CCDC7: variants seen among roughly 807,000 people sequenced by gnomAD.
CCDC7 encodes the protein coiled-coil domain containing 7.
Under a neutral mutation model 196.9 loss-of-function variants are expected in CCDC7, and 183 were observed. That is an observed-to-expected ratio of 0.93 (90% CI 0.82 to 1.05). CCDC7 has a LOEUF of 1.05. Among genes scored for constraint, CCDC7 ranks in the 50% least tolerant of loss-of-function variants. CCDC7 has a pLI of 0.00. For missense variants in CCDC7, 1,540 were observed against 1,482.2 expected, an observed-to-expected ratio of 1.04 and a Z score of -0.64; for synonymous variants, 525 against 484.6, an observed-to-expected ratio of 1.08 and a Z score of -1.10.
intron 25 of CCDC7, among the ~76,000 whole-genome samples, chr10:32,721,370 T>C (rs763438006): frequency 3.3e-5 from 5 of 152,120 alleles, no homozygotes; most frequent in African/African-American, 7.2e-5. Flanking sequence ...TAGGCTCTAA[T>C]TGGTGCACAA....
At chr10:32,674,320 T>A (rs1025277775) in intron 21 of CCDC7, among the ~76,000 whole-genome samples, 5 of 152,048 alleles carry the variant, frequency 3.3e-5, no homozygotes, top group Non-Finnish European at 7.4e-5. Flanking sequence ...GTTTCTAATT[T>A]CCCTTTTGAT....
intron 28 of CCDC7, among the ~76,000 whole-genome samples, chr10:32,758,662 A>G (rs2076900731): frequency 6.6e-6 from 1 of 152,160 alleles, no homozygotes; most frequent in Admixed American, 6.6e-5. Flanking sequence ...CAAAAACTGG[A>G]AGCATTCCCT....
At chr10:32,801,769 G>A (rs779329030) in intron 29 of CCDC7, among the ~76,000 whole-genome samples, 1 of 152,158 alleles carries the variant, frequency 6.6e-6, no homozygotes, top group Non-Finnish European at 1.5e-5. Context: ...GTTACCTCAG[G>A]CAGTGCAGGG....
chr10:32,876,547 A>G (rs2094601286), downstream of CCDC7: 1 of 676,034 alleles, frequency 1.5e-6, no homozygotes, highest in Middle Eastern at 2.6e-4. Flanking sequence ...TCAACAGGGT[A>G]GGCCCAGATC....
intron 13 of CCDC7, among the ~76,000 whole-genome samples, chr10:32,552,604 T>G (rs542225597): frequency 6.6e-6 from 1 of 152,312 alleles, no homozygotes; most frequent in East Asian, 1.9e-4. Flanking sequence ...GTTCTTGTAG[T>G]GGTGGCTTGG....
chr10:32,722,132 T>C lies in CCDC7; in HGVS notation c.2570-4602T>C, dbSNP rs186573014. Reference sequence around the variant, plus strand: ...TTTTCTCCCCTAGTTCATGGATTTTTTTTGGTAGACAATAGCATTAGGTAC... The same window carrying C: ...TTTTCTCCCCTAGTTCATGGATTTTCTTTGGTAGACAATAGCATTAGGTAC... On this transcript the variant is annotated intron_variant, in intron 25 of 41. Coordinates refer to ENST00000639629, the Ensembl canonical transcript of CCDC7. 1.8e-3 allele frequency among the ~76,000 whole-genome samples: 276 copies of C among 152,246 alleles called. 2 individuals carry two copies. Among genetic ancestry groups the C allele is most frequent in the African/African-American group, 6.3e-3 (260 of 41,550 alleles).
intron 18 of CCDC7, among the ~76,000 whole-genome samples, chr10:32,606,820 G>C (rs2061603365): frequency 6.6e-6 from 1 of 152,184 alleles, no homozygotes; most frequent in Non-Finnish European, 1.5e-5. Flanking sequence ...TCTCAGATGA[G>C]AGTTTGGACT....
intron 21 of CCDC7, among the ~76,000 whole-genome samples, chr10:32,675,487 T>C (rs1479473182): frequency 2.0e-5 from 3 of 152,204 alleles, no homozygotes; most frequent in African/African-American, 4.8e-5. Flanking sequence ...ATTTTTGTGA[T>C]TATAGTTATC....
chr10:32,590,322 T>C (rs1220859094), intron 18 of CCDC7, among the ~76,000 whole-genome samples: 1 of 151,472 alleles, frequency 6.6e-6, no homozygotes, highest in Non-Finnish European at 1.5e-5. Flanking sequence ...ATTGCACAAA[T>C]AACAACAACA....
At chr10:32,477,233 G>A (rs2134035456) in intron 8 of CCDC7, among the ~76,000 whole-genome samples, 1 of 147,176 alleles carries the variant, frequency 6.8e-6, no homozygotes, top group South Asian at 2.2e-4. Context: ...TTTTTGAGAT[G>A]GAGTCTCGCT....
At chr10:32,587,248 A>G (rs575838564) in intron 18 of CCDC7, among the ~76,000 whole-genome samples, 2 of 152,308 alleles carry the variant, frequency 1.3e-5, no homozygotes, top group African/African-American at 4.8e-5. Flanking sequence ...TTGCTGTAAC[A>G]GAATACCACA....
At chr10:32,791,115 C>T (rs1329292942) in intron 29 of CCDC7, among the ~76,000 whole-genome samples, 1 of 152,176 alleles carries the variant, frequency 6.6e-6, no homozygotes, top group Non-Finnish European at 1.5e-5. Context: ...CTGAGGCACC[C>T]ACAGTCATCA....
At chr10:32,779,312 ACCTACT>A (rs763095736) in intron 29 of CCDC7, among the ~76,000 whole-genome samples, 10 of 152,134 alleles carry the variant, frequency 6.6e-5, no homozygotes, top group Admixed American at 4.6e-4. Flanking sequence ...ATTTCCCTTT[ACCTACT>A]CATGAAACAA....
chr10:32,576,547 CTTTT>C (rs1292038601), intron 16 of CCDC7, among the ~76,000 whole-genome samples: 2 of 116,866 alleles, frequency 1.7e-5, no homozygotes, highest in Non-Finnish European at 1.8e-5. Flanking sequence ...GCCTGTGTGT[CTTTT>C]TTTTTTTTTT....
rs764380172 is a variant in CCDC7, at chr10:32,711,646, C to A, written c.2485C>A (p.Pro829Thr). 2.5e-6 allele frequency: 4 copies of A among 1,589,930 alleles called. No individual in the cohort carries two copies. The South Asian group carries it at 3.5e-5, about 14-fold the overall frequency. The stretch of plus-strand genomic sequence containing the variant: ...TCATGATGAAGAATCAGGTGAAAAT[C>A]CTATGCTTAAACATCAAGATTCAGT... Residue 829 changes from proline (P) to threonine (T), a missense_variant, in exon 25 of 42, where the codon CCT becomes ACT. Transcript: ENST00000639629.
At chr10:32,534,172 T>G (rs1564574527) in intron 11 of CCDC7, among the ~76,000 whole-genome samples, 1 of 152,188 alleles carries the variant, frequency 6.6e-6, no homozygotes, top group East Asian at 1.9e-4. Flanking sequence ...CTCTACTTGG[T>G]CCATTCTGCT....
At chr10:32,564,198 T>C (rs1280497003) in intron 13 of CCDC7, among the ~76,000 whole-genome samples, 1 of 152,200 alleles carries the variant, frequency 6.6e-6, no homozygotes, top group Non-Finnish European at 1.5e-5. Context: ...TTTACACTGT[T>C]GGTGGGACTG....
chr10:32,555,327 C>A (rs932898227), intron 13 of CCDC7, among the ~76,000 whole-genome samples: 11 of 151,478 alleles, frequency 7.3e-5, no homozygotes, highest in Non-Finnish European at 8.8e-5. Flanking sequence ...CTCACTGCAA[C>A]CTCTGCCTCC....
At chr10:32,589,143 C>T (rs1001286157) in intron 18 of CCDC7, among the ~76,000 whole-genome samples, 2 of 151,916 alleles carry the variant, frequency 1.3e-5, no homozygotes, top group East Asian at 3.9e-4. Flanking sequence ...CTCGTTTCCC[C>T]CACTATGCTT....
Sources: allele counts gnomAD v4.1 joint callset (sites outside exome capture counted in the v4.1 genomes callset), GRCh38; gene constraint gnomAD v4.1.1; transcripts MANE v1.5; gene names NCBI Gene and HGNC (gene_info 2026-07-23, HGNC 2026-07-21).